The following UBE2D2 variants were observed in gnomAD, a reference collection of about 807,000 sequenced individuals.
The protein encoded by UBE2D2 is ubiquitin-conjugating enzyme E2 D2.
UBE2D2 carries 2 observed loss-of-function variants against 24.2 expected under a neutral mutation model. The ratio of observed to expected loss-of-function variants is 0.08; its 90% CI spans 0.03 to 0.26. The LOEUF (loss-of-function observed/expected upper bound fraction) is 0.26. Ranked by LOEUF, UBE2D2 falls within the 10% of genes least tolerant of loss-of-function variation. The probability of loss-of-function intolerance (pLI) is 1.00; values close to 1 mark genes in which losing one functional copy is unlikely to be tolerated. For missense variants in UBE2D2, 44 were observed against 177.6 expected (o/e 0.25, Z 4.28); for synonymous variants, 58 against 56.5 (o/e 1.03, Z -0.12).
intron 2 of UBE2D2, among the ~76,000 whole-genome samples, chr5:139,608,612 A>G (rs1383671877): frequency 6.6e-6 from 1 of 151,682 alleles, no homozygotes; most frequent in Non-Finnish European, 1.5e-5. Flanking sequence ...AAAGAAGAAG[A>G]AGGGTATTCT....
At chr5:139,615,255 C>G (rs556943773) in intron 5 of UBE2D2, among the ~76,000 whole-genome samples, 4 of 152,100 alleles carry the variant, frequency 2.6e-5, no homozygotes, top group Non-Finnish European at 4.4e-5. Context: ...GAGGCCGAGG[C>G]GGGCAGATCA....
At chr5:139,590,782 C>CTTTTTTTTTTTTTTTTTTTTTTTT (rs57962602) in intron 1 of UBE2D2, among the ~76,000 whole-genome samples, 2 of 38,420 alleles carry the variant, frequency 5.2e-5, no homozygotes, top group Non-Finnish European at 1.0e-4. Context: ...TTCTCTTCTT[C>CTTTTTTTTTTTTTTTTTTTTTTTT]TTTTTTTTTT....
chr5:139,552,317 C>T (rs2126640052), intron 1 of UBE2D2, among the ~76,000 whole-genome samples: 1 of 152,116 alleles, frequency 6.6e-6, no homozygotes, highest in South Asian at 2.1e-4. Flanking sequence ...TGTGCACCAC[C>T]ACGCCTGGCT....
chr5:139,530,489 C>T (rs1447684963), intron 1 of UBE2D2, among the ~76,000 whole-genome samples: 1 of 152,194 alleles, frequency 6.6e-6, no homozygotes, highest in Non-Finnish European at 1.5e-5. Context: ...CACAAGAAGG[C>T]TCATGAGGAT....
intron 1 of UBE2D2, among the ~76,000 whole-genome samples, chr5:139,563,489 T>C (rs1363900110): frequency 2.0e-5 from 3 of 152,142 alleles, no homozygotes; most frequent in Non-Finnish European, 2.9e-5. Flanking sequence ...AAAAAAAATA[T>C]ATACATATGT....
At chr5:139,533,619 C>G (rs1752625975) in intron 1 of UBE2D2, among the ~76,000 whole-genome samples, 2 of 150,870 alleles carry the variant, frequency 1.3e-5, no homozygotes, top group African/African-American at 4.9e-5. Flanking sequence ...CCATTGCACT[C>G]TAGCCTGGGC....
At chr5:139,586,321 T>C (rs1193090101) in intron 1 of UBE2D2, among the ~76,000 whole-genome samples, 3 of 152,146 alleles carry the variant, frequency 2.0e-5, no homozygotes, top group African/African-American at 7.2e-5. Flanking sequence ...TGGAACTCAC[T>C]GACTTTAAAA....
chr5:139,615,741 A>G (rs892551226), intron 5 of UBE2D2, among the ~76,000 whole-genome samples: 1 of 151,264 alleles, frequency 6.6e-6, no homozygotes, highest in African/African-American at 2.4e-5. Context: ...TGAGTGATGT[A>G]GTTGTTGTCT....
At chr5:139,600,498 A>G in intron 2 of UBE2D2, 63 bp downstream of exon 2, 1 of 1,554,600 alleles carries the variant, frequency 6.4e-7, no homozygotes, top group East Asian at 2.3e-5. Context: ...GTGAAGAAAC[A>G]ATTATGGTAT....
chr5:139,553,361 C>T (rs1752944894), intron 1 of UBE2D2, among the ~76,000 whole-genome samples: 1 of 152,156 alleles, frequency 6.6e-6, no homozygotes, highest in African/African-American at 2.4e-5. Flanking sequence ...TTGGGCTGTA[C>T]TCTCTATTCA....
intron 1 of UBE2D2, among the ~76,000 whole-genome samples, chr5:139,587,911 T>G (rs1753765647): frequency 6.6e-6 from 1 of 152,082 alleles, no homozygotes; most frequent in Admixed American, 6.6e-5. Flanking sequence ...TTTAGTGAGC[T>G]CTCTGATTGG....
intron 1 of UBE2D2, among the ~76,000 whole-genome samples, chr5:139,535,923 C>T (rs1015738212): frequency 2.6e-5 from 4 of 151,606 alleles, no homozygotes; most frequent in Non-Finnish European, 4.4e-5. Flanking sequence ...GATGGAGTCT[C>T]GCTCTGTTGC....
intron 1 of UBE2D2, among the ~76,000 whole-genome samples, chr5:139,549,196 CCTCA>C (rs1224717206): frequency 1.3e-5 from 2 of 152,284 alleles, no homozygotes; most frequent in East Asian, 1.9e-4. Flanking sequence ...TGCTAGCAGC[CCTCA>C]CTCATTCTGG....
intron 1 of UBE2D2, among the ~76,000 whole-genome samples, chr5:139,570,621 C>G (rs951662163): frequency 6.6e-6 from 1 of 152,212 alleles, no homozygotes; most frequent in Non-Finnish European, 1.5e-5. Context: ...AAGCAATTCT[C>G]CAGCTTCAGC....
chr5:139,552,332 T>C (rs1229952027), intron 1 of UBE2D2, among the ~76,000 whole-genome samples: 2 of 151,672 alleles, frequency 1.3e-5, no homozygotes, highest in Non-Finnish European at 2.9e-5. Flanking sequence ...CTGGCTAACT[T>C]TTTTTTGGTA....
chr5:139,603,679 G>A (rs550452612), intron 2 of UBE2D2, among the ~76,000 whole-genome samples: 5 of 146,168 alleles, frequency 3.4e-5, no homozygotes, highest in South Asian at 2.2e-4. Context: ...CTGTACGCCT[G>A]TAATGCCAGC....
intron 2 of UBE2D2, among the ~76,000 whole-genome samples, chr5:139,603,369 G>T (rs1005098712): frequency 6.6e-6 from 1 of 152,132 alleles, no homozygotes; most frequent in Admixed American, 6.6e-5. Flanking sequence ...TCCCACAGCC[G>T]AGTGCGATGG....
At chr5:139,575,846 C>T (rs1753458065) in intron 1 of UBE2D2, among the ~76,000 whole-genome samples, 1 of 152,202 alleles carries the variant, frequency 6.6e-6, no homozygotes, top group Non-Finnish European at 1.5e-5. Context: ...AGCAAGACCC[C>T]TTCTCTACAA....
intron 1 of UBE2D2, among the ~76,000 whole-genome samples, chr5:139,533,396 A>G (rs1752621855): frequency 6.6e-6 from 1 of 152,166 alleles, no homozygotes; most frequent in African/African-American, 2.4e-5. Flanking sequence ...CACGCCTGTA[A>G]TCCCCAACAC....
Sources: gnomAD v4.1 joint callset for allele counts (sites outside exome capture counted in the v4.1 genomes callset) on GRCh38, gnomAD v4.1.1 for gene constraint, MANE v1.5 for transcripts, NCBI Gene and HGNC (gene_info 2026-07-23, HGNC 2026-07-21) for gene names.